The following ARAF variants were observed in gnomAD, a reference collection of about 807,000 sequenced individuals.
The protein encoded by ARAF is serine/threonine-protein kinase A-Raf.
A neutral mutation model predicts 48.0 loss-of-function variants in ARAF; 18 were observed. The ratio of observed to expected loss-of-function variants is 0.37; its 90% confidence interval spans 0.26 to 0.56. The LOEUF (loss-of-function observed/expected upper bound fraction) is 0.56. ARAF is among the 20% of genes least tolerant of loss of function. ARAF has a pLI of 0.77. For synonymous variants in ARAF, 207 were observed against 220.1 expected (o/e 0.94, Z 0.53); for missense variants, 389 against 543.1 (o/e 0.72, Z 2.82).
chrX:47,571,349 A>G lies in ARAF; in HGVS notation c.1713A>G (p.Gln571=), dbSNP rs1044350047. 4.1e-6 allele frequency: 5 copies of G among 1,210,728 alleles called. No homozygotes were observed. Among genetic ancestry groups the G allele is most frequent in the Middle Eastern group, 2.3e-4 (1 of 4,350 alleles). The change falls in exon 16 of 16, where the codon CAA becomes CAG. Residue 571 remains glutamine, a synonymous_variant. Transcript: ENST00000377045. ...PQILATIELL[Q]RSLPKIERSA... ...TCCTGGCCACAATTGAGCTGCTGCA[A>G]CGGTCACTCCCCAAGATTGAGCGGA...
rs183789909 is a variant in ARAF, at chrX:47,571,512, G to A, written c.*55G>A. The A allele has an allele frequency of 1.9e-4, 216 of 1,155,849 alleles. No homozygotes were observed. The highest frequency in any genetic ancestry group is 1.5e-3 in the Middle Eastern group (6 of 3,875). Reference sequence around the variant, plus strand: ...TCAGCCCTCCACGCCAAGGAGCCTTGCCCACCAGCCAATCAATGTTCGTCT... The same window carrying A: ...TCAGCCCTCCACGCCAAGGAGCCTTACCCACCAGCCAATCAATGTTCGTCT... On this transcript the variant is annotated 3_prime_UTR_variant, in exon 16 of 16. Transcript: ENST00000377045.
chrX:47,567,052 C>T lies in ARAF; in HGVS notation c.794C>T (p.Ser265Leu), dbSNP rs1229309673. 17 of 1,210,299 alleles carry T rather than the reference C, an allele frequency of 1.4e-5. No individual in the cohort carries two copies. Among genetic ancestry groups the T allele is most frequent in the Admixed American group, 4.4e-5 (2 of 45,852 alleles). The change falls in exon 9 of 16, where the codon TCG (serine) becomes TTG (leucine). Residue 265 changes from serine (S) to leucine (L), a missense_variant. By Grantham distance (145) the Ser-to-Leu change is moderately radical. Coordinates refer to ENST00000377045, the MANE Select transcript of ARAF (RefSeq NM_001654.5). Reference sequence around the variant, plus strand: ...AGCCCCAGCCCAGCCAGCGTGTCCTCGGGGAGGAAGTCCCCACATTCCAAG... The same window carrying T: ...AGCCCCAGCCCAGCCAGCGTGTCCTTGGGGAGGAAGTCCCCACATTCCAAG... ...RGSPSPASVS[S>L]GRKSPHSKSP...
rs780348121 is a variant in ARAF, at chrX:47,567,273, C to T, written c.917C>T (p.Pro306Leu). Reference sequence around the variant, plus strand: ...GACTCAGGCTATTACTGGGAGGTACCACCCAGTGAGGTGCAGCTGCTGAAG... The same window carrying T: ...GACTCAGGCTATTACTGGGAGGTACTACCCAGTGAGGTGCAGCTGCTGAAG... ...YRDSGYYWEV[P>L]PSEVQLLKRI... is the part of the protein sequence containing the mutation. The change falls in exon 10 of 16, where the codon CCA becomes CTA. Residue 306 changes from proline to leucine, a missense_variant. By Grantham distance (98) the Pro-to-Leu change is moderately conservative. Coordinates refer to ENST00000377045, the MANE Select transcript of ARAF (RefSeq NM_001654.5). The T allele has an allele frequency of 1.2e-5, 14 of 1,209,638 alleles. No homozygotes were observed. Among genetic ancestry groups the T allele is most frequent in the African/African-American group, 1.8e-5 (1 of 57,001 alleles).
Position 47,571,107 on chromosome X carries a change from TATA to T in ARAF, c.1686+96_1686+98del, listed in dbSNP as rs201963654. On this transcript the variant is annotated intron_variant, in intron 15 of 15. Transcript: ENST00000377045. ...AGATGTGAATATGAAAGCTCAGAGG[TATA>T]GTGTGTGTGTGTGTGTGTGTGTGTG... 837 of 989,867 alleles carry T rather than the reference TATA, an allele frequency of 8.5e-4. 8 individuals carry two copies. In the Admixed American group the frequency reaches 0.015, roughly 18 times the overall value. The allele number at this position is 989,867 out of a possible 1,213,427, so 81.6% of individuals were successfully genotyped here.
intron 3 of ARAF, among the ~76,000 whole-genome samples, chrX:47,563,701 T>G (rs984411622): frequency 3.6e-5 from 4 of 112,539 alleles, no homozygotes; most frequent in African/African-American, 1.3e-4. Context: ...GATGGAAGAT[T>G]CTTTCTTACA....
At position 47,564,989 on chromosome X, in the gene ARAF, G is replaced by A; in HGVS notation, c.308G>A (p.Arg103Gln). 7 of 1,211,969 alleles carry A rather than the reference G, an allele frequency of 5.8e-6. No individual in the cohort carries two copies. The highest frequency in any genetic ancestry group is 2.3e-4 in the Middle Eastern group (1 of 4,353). Residue 103 changes from arginine (R) to glutamine (Q), a missense_variant, in exon 5 of 16, where the codon CGG becomes CAG. Transcript: ENST00000377045. ...TTCCCTGCTCTGTGGCATCAGGTAC[G>A]GAAGACCTTCTTCAGCCTGGCGTTC... is the stretch of plus-strand genomic sequence containing the variant. Reference protein sequence around the residue: ...DVPLTMHNFVRKTFFSLAFCD... With the variant: ...DVPLTMHNFVQKTFFSLAFCD...
chrX:47,565,339 C>G lies in ARAF; in HGVS notation c.546C>G (p.Pro182=), dbSNP rs758558184. The G allele has an allele frequency of 1.7e-6, 2 of 1,209,020 alleles. No individual in the cohort carries two copies. The highest frequency in any genetic ancestry group is 2.2e-6 in the Non-Finnish European group (2 of 894,459). The change falls in exon 6 of 16, where the codon CCC becomes CCG. Residue 182 remains proline (P), a synonymous_variant. Transcript: ENST00000377045. ...SNRPLNELLT[P]QGPSPRTQHC... ...GCCCCCTGAATGAGTTGCTAACCCC[C>G]CAGGGTCCCAGGTAGGGATGCCTTA...
At position 47,565,340 on chromosome X, in the gene ARAF, C is replaced by G; in HGVS notation, c.547C>G (p.Gln183Glu). ...CCCCCTGAATGAGTTGCTAACCCCC[C>G]AGGGTCCCAGGTAGGGATGCCTTAG... ...NRPLNELLTP[Q>E]GPSPRTQHCD... The change falls in exon 6 of 16, where the codon CAG becomes GAG. Residue 183 changes from glutamine (Q) to glutamate (E), a missense_variant. Gln to Glu is a conservative substitution (Grantham distance 29). Coordinates refer to ENST00000377045, the MANE Select transcript of ARAF (RefSeq NM_001654.5). 3 of 1,210,854 alleles carry G rather than the reference C, an allele frequency of 2.5e-6. No homozygotes were observed. Among genetic ancestry groups the G allele is most frequent in the Non-Finnish European group, 3.4e-6 (3 of 894,745 alleles).
chrX:47,567,130 T>C lies in ARAF; in HGVS notation c.872T>C (p.Val291Ala), dbSNP rs775984740. 8.3e-7 allele frequency: 1 copy of C among 1,209,754 alleles called. No individual in the cohort carries two copies. The highest frequency in any genetic ancestry group is 1.8e-5 in the South Asian group (1 of 56,830). ...RKSLADDKKK[V>A]KNLGYRDSGY... is the part of the protein sequence containing the mutation. ...TCCTTGGCCGATGACAAGAAGAAAG[T>C]GGTATGCTCGAGGGGGATCCTTTTG... The change falls in exon 9 of 16, where the codon GTG becomes GCG. Residue 291 changes from valine (V) to alanine (A), a missense_variant and splice_region_variant. Val to Ala is a moderately conservative substitution (Grantham distance 64). Transcript: ENST00000377045.
Position 47,563,239 on chromosome X carries a change from A to G in ARAF, c.110A>G (p.Asp37Gly). Residue 37 changes from aspartate to glycine, a missense_variant, in exon 3 of 16, where the codon GAT becomes GGT. Physicochemically the swap from Asp to Gly is moderately conservative, Grantham distance 94. Coordinates refer to ENST00000377045, the MANE Select transcript of ARAF (RefSeq NM_001654.5). ...NKQRTVVTVR[D>G]GMSVYDSLDK... Reference sequence around the variant, plus strand: ...ACATACACACAGGTGACTGTCCGGGATGGCATGAGTGTCTACGACTCTCTA... The same window carrying G: ...ACATACACACAGGTGACTGTCCGGGGTGGCATGAGTGTCTACGACTCTCTA... 8.3e-7 allele frequency: 1 copy of G among 1,210,479 alleles called. No homozygotes were observed. Among genetic ancestry groups the G allele is most frequent in the Non-Finnish European group, 1.1e-6 (1 of 894,766 alleles).
chrX:47,569,401 G>A (rs1476795443), intron 12 of ARAF, 138 bp from the exon 13 acceptor site: 1 of 533,566 alleles, frequency 1.9e-6, no homozygotes, highest in Admixed American at 3.2e-5. Flanking sequence ...TCAAGGTTGT[G>A]GATAGTTTGC....
chrX:47,564,304 A>T (rs1183199449), intron 3 of ARAF, among the ~76,000 whole-genome samples: 1 of 111,603 alleles, frequency 9.0e-6, no homozygotes, highest in Non-Finnish European at 1.9e-5. Flanking sequence ...TCCTTTCACG[A>T]TGTCATGACT....
chrX:47,563,104 C>T (rs1319457105), intron 2 of ARAF, 41 bp downstream of exon 2: 7 of 1,157,017 alleles, frequency 6.1e-6, no homozygotes, highest in Non-Finnish European at 2.3e-6. Flanking sequence ...GTGGATGGAC[C>T]CAGTTGTAAC....
chrX:47,571,299 C>G (rs1226560182), intron 15 of ARAF, 24 bp from the exon 16 acceptor site: 27 of 1,200,499 alleles, frequency 2.2e-5, no homozygotes, highest in Non-Finnish European at 2.9e-5. Flanking sequence ...CTGGACACCC[C>G]TCCTCACCCC....
At chrX:47,569,116 C>T in intron 12 of ARAF, 83 bp downstream of exon 12, 1 of 1,089,261 alleles carries the variant, frequency 9.2e-7, no homozygotes, top group Non-Finnish European at 1.2e-6. Flanking sequence ...CTGGGAATTA[C>T]AAGGGAGGGG....
rs1288216650 is a variant in ARAF, at chrX:47,571,785, G to A, written c.*328G>A. On this transcript the variant is annotated 3_prime_UTR_variant, in exon 16 of 16. Coordinates refer to ENST00000377045, the MANE Select transcript of ARAF (RefSeq NM_001654.5). ...CCTCTCTGGAATTTGTGCCTGATGTGCCTTCCACTGGATTTTGGGGTTCCC... is the reference window on the plus strand; with the variant it reads ...CCTCTCTGGAATTTGTGCCTGATGTACCTTCCACTGGATTTTGGGGTTCCC... 1 of 247,469 alleles carries A rather than the reference G, an allele frequency of 4.0e-6. No homozygotes were observed. Among genetic ancestry groups the A allele is most frequent in the East Asian group, 7.0e-5 (1 of 14,246 alleles). The allele number at this position is 247,469 out of a possible 1,213,427, so 20.4% of individuals were successfully genotyped here.
At chrX:47,565,469 G>A in intron 6 of ARAF, 119 bp downstream of exon 6, 4 of 1,066,365 alleles carry the variant, frequency 3.8e-6, no homozygotes, top group Non-Finnish European at 4.9e-6. Context: ...GCACCTACAA[G>A]TGTGAGTAAG....
intron 6 of ARAF, among the ~76,000 whole-genome samples, chrX:47,566,358 T>C (rs1340220351): frequency 8.9e-6 from 1 of 112,139 alleles, no homozygotes; most frequent in Non-Finnish European, 1.9e-5. Flanking sequence ...TTTTCTTTAT[T>C]GCACCTATCA....
chrX:47,563,319 C>T lies in ARAF; in HGVS notation c.190C>T (p.Leu64Phe). 1 of 1,208,583 alleles carries T rather than the reference C, an allele frequency of 8.3e-7. No homozygotes were observed. The highest frequency in any genetic ancestry group is 1.8e-5 in the South Asian group (1 of 56,353). The change falls in exon 3 of 16, where the codon CTC becomes TTC. Residue 64 changes from leucine (L) to phenylalanine (F), a missense_variant. By Grantham distance (22) the Leu-to-Phe change is conservative (BLOSUM62 0). Transcript: ENST00000377045. ...LNQDCCVVYR[L>F]IKGRKTVTAW... ...TCAGGACTGCTGTGTGGTCTACCGACTCATCAAGGGGTGAGTGTGGCAGCC... is the reference window on the plus strand; with the variant it reads ...TCAGGACTGCTGTGTGGTCTACCGATTCATCAAGGGGTGAGTGTGGCAGCC...
Sources: gnomAD v4.1 joint callset for allele counts (sites outside exome capture counted in the v4.1 genomes callset) on GRCh38, gnomAD v4.1.1 for gene constraint, MANE v1.5 for transcripts, NCBI Gene and HGNC (gene_info 2026-07-23, HGNC 2026-07-21) for gene names.